LRP1: variants seen among roughly 807,000 people sequenced by gnomAD.
LRP1 encodes the protein prolow-density lipoprotein receptor-related protein 1.
In LRP1, 51 loss-of-function variants were observed where a neutral mutation model predicts 541.5. That is an observed-to-expected ratio of 0.09 (90% CI 0.08 to 0.12). LRP1 has a LOEUF of 0.12. LRP1 is among the 10% of genes least tolerant of loss of function. The pLI is 1.00. For synonymous variants in LRP1, 2,219 were observed against 2,470.8 expected, an observed-to-expected ratio of 0.90 and a Z score of 3.02; for missense variants, 3,878 against 6,376.2, an observed-to-expected ratio of 0.61 and a Z score of 13.34.
intron 2 of LRP1, among the ~76,000 whole-genome samples, chr12:57,140,062 A>G (rs1318993162): frequency 6.6e-6 from 1 of 152,170 alleles, no homozygotes; most frequent in Non-Finnish European, 1.5e-5. Context: ...CTTGAGCAAC[A>G]AAGGAAGTTG....
At chr12:57,208,447 C>T (rs2036834338) in intron 77 of LRP1, 4 of 601,850 alleles carry the variant, frequency 6.6e-6, no homozygotes, top group Admixed American at 3.0e-5. Context: ...TCTGCTTGGC[C>T]GGCTGTCATG....
rs889143155 is a variant in LRP1 at position 57,189,062 on chromosome 12, C to G, written c.7031+1606C>G. On this transcript the variant is annotated intron_variant, in intron 42 of 88. Transcript: ENST00000243077. This position sits in a 1 kb window ranked among gnomAD's most constrained non-coding sequence, Gnocchi z 4.4. ...TCCTCCTGAGCCCTCCCCGCGTCAG[C>G]ACTGGAGCACTGATGGCCCTGTAGA... is the stretch of plus-strand genomic sequence containing the variant. 6.6e-6 allele frequency among the ~76,000 whole-genome samples: 1 copy of G among 152,200 alleles called. No homozygotes were observed. Among genetic ancestry groups the G allele is most frequent in the Non-Finnish European group, 1.5e-5 (1 of 68,026 alleles).
intron 41 of LRP1, among the ~76,000 whole-genome samples, 194 bp downstream of exon 41, chr12:57,186,102 ACT>A (rs2036265647): frequency 6.6e-6 from 1 of 152,062 alleles, no homozygotes; most frequent in East Asian, 1.9e-4. Flanking sequence ...TCCTCCCGCC[ACT>A]GGTCCTAGTT....
At position 57,205,737 on chromosome 12, in the gene LRP1, C is replaced by T. The variant is rs778180999; in HGVS notation, c.11590+60C>T. ...GGGGCAGGGCGACCAGGATATCAAA[C>T]GGGGCCGACTTGGAATGGAATGTCT... On this transcript the variant is annotated intron_variant, in intron 75 of 88. Transcript: ENST00000243077. The surrounding 1 kb of genome is among the most constrained non-coding windows in gnomAD (Gnocchi z 4.6). 8.8e-6 allele frequency: 14 copies of T among 1,591,588 alleles called. No individual in the cohort carries two copies. The highest frequency in any genetic ancestry group is 4.5e-5 in the East Asian group (2 of 44,788).
chr12:57,203,154 G>A, intron 68 of LRP1, 27 bp from the exon 69 acceptor site: 1 of 1,506,122 alleles, frequency 6.6e-7, no homozygotes, highest in Non-Finnish European at 9.0e-7. Context: ...CCACCCTCCT[G>A]GGCCTGTCTC....
intron 34 of LRP1, among the ~76,000 whole-genome samples, chr12:57,182,673 G>T (rs534526544): frequency 6.6e-6 from 1 of 151,848 alleles, no homozygotes; most frequent in Non-Finnish European, 1.5e-5. Context: ...AAAATTAGCC[G>T]GGCATGGTGG....
Position 57,128,729 on chromosome 12 carries a change from G to T in LRP1, c.-236G>T. 2.3e-6 allele frequency: 1 copy of T among 431,014 alleles called. No homozygotes were observed. The highest frequency in any genetic ancestry group is 4.1e-6 in the Non-Finnish European group (1 of 241,154). The allele number at this position is 431,014 out of a possible 1,614,324, so 26.7% of individuals were successfully genotyped here. A position where few individuals can be genotyped will look rare whatever the true frequency, so the allele number is the denominator to read the frequency against. ...GCGAGGAGTGAAGCGGGGGGGTGGG[G>T]TGAAGGGTTTGGATTTCGGGGCAGG... On this transcript the variant is annotated 5_prime_UTR_variant, in exon 1 of 89. Transcript: ENST00000243077.
chr12:57,195,134 C>T, intron 51 of LRP1, 33 bp downstream of exon 51: 1 of 1,604,600 alleles, frequency 6.2e-7, no homozygotes. Flanking sequence ...GGGGGAGGTG[C>T]CCCAGGGAGG....
intron 45 of LRP1, 86 bp downstream of exon 45, chr12:57,193,056 GC>G (rs2136725319): frequency 3.2e-6 from 5 of 1,583,094 alleles, no homozygotes; most frequent in South Asian, 2.2e-5. Flanking sequence ...CTCCAGCCCA[GC>G]CCCCCAAAGC....
In LRP1 at chr12:57,183,656, C is replaced by T; in HGVS notation, c.5795-119C>T. ...AGCTGCCACCCTGACTCCACCTCCC[C>T]TTCAAGCACCTGGCCCCTCCGGCAC... On this transcript the variant is annotated intron_variant, in intron 35 of 88. Transcript: ENST00000243077. The surrounding 1 kb of genome is among the most constrained non-coding windows in gnomAD (Gnocchi z 6.1). 3 of 1,497,174 alleles carry T rather than the reference C, an allele frequency of 2.0e-6. No individual in the cohort carries two copies. Among genetic ancestry groups the T allele is most frequent in the East Asian group, 2.3e-5 (1 of 42,840 alleles). 92.7% of individuals were successfully genotyped at this position (1,497,174 alleles called of 1,614,324 possible).
At chr12:57,203,794 T>G in intron 70 of LRP1, 2 of 452,814 alleles carry the variant, frequency 4.4e-6, no homozygotes, top group Non-Finnish European at 7.8e-6. Context: ...CAGCAAACCC[T>G]GAGGGCTGTG....
Position 57,195,318 on chromosome 12 carries a change from G to A in LRP1, c.8356G>A (p.Val2786Met), listed in dbSNP as rs767661661. The change falls in exon 52 of 89, where the codon GTG becomes ATG. Residue 2786 changes from valine (V) to methionine (M), a missense_variant. Coordinates refer to ENST00000243077, the MANE Select transcript of LRP1 (RefSeq NM_002332.3). ...CTCCTTCTCCTGCCCTGGCACCCAC[G>A]TGTGCGTCCCCGAGCGCTGGCTCTG... ...PSSFSCPGTH[V>M]CVPERWLCDG... 4 of 1,613,562 alleles carry A rather than the reference G, an allele frequency of 2.5e-6. No individual in the cohort carries two copies. Among genetic ancestry groups the A allele is most frequent in the Non-Finnish European group, 2.5e-6 (3 of 1,180,012 alleles).
In LRP1 at chr12:57,204,450, C is replaced by T. The variant is rs537003889; in HGVS notation, c.10992C>T (p.Thr3664=). ...CPLDEFQCNN[T]LCKPLAWKCD... Reference sequence around the variant, plus strand: ...TGGACGAGTTCCAGTGCAACAACACCTTGTGCAAGCCGCTGGCCTGGAAGT... The same window carrying T: ...TGGACGAGTTCCAGTGCAACAACACTTTGTGCAAGCCGCTGGCCTGGAAGT... The change falls in exon 71 of 89, where the codon ACC becomes ACT. Residue 3664 remains threonine, a synonymous_variant. Transcript: ENST00000243077. The surrounding 1 kb of genome is among the most constrained non-coding windows in gnomAD (Gnocchi z 5.3). The T allele has an allele frequency of 6.4e-6, 10 of 1,563,180 alleles. No individual in the cohort carries two copies. The highest frequency in any genetic ancestry group is 1.2e-5 in the South Asian group (1 of 82,496).
chr12:57,130,799 G>T (rs1274303448), intron 1 of LRP1, among the ~76,000 whole-genome samples: 1 of 152,090 alleles, frequency 6.6e-6, no homozygotes, highest in African/African-American at 2.4e-5. Flanking sequence ...GGAAGAGAGA[G>T]ACTGGACATG....
rs763147281 is a variant in LRP1 at position 57,205,080 on chromosome 12, C to T, written c.11195-29C>T. ...GGGAGGAGGAGGCAGGGGAGAATAC[C>T]CAGGGCCTAAAGCCTCTGCCCTCCT... On this transcript the variant is annotated intron_variant, in intron 72 of 88. Coordinates refer to ENST00000243077, the MANE Select transcript of LRP1 (RefSeq NM_002332.3). This position sits in a 1 kb window ranked among gnomAD's most constrained non-coding sequence, Gnocchi z 4.6. The T allele has an allele frequency of 1.3e-6, 2 of 1,597,188 alleles. No individual in the cohort carries two copies.
intron 1 of LRP1, among the ~76,000 whole-genome samples, chr12:57,134,564 G>C (rs2035113866): frequency 6.6e-6 from 1 of 152,122 alleles, no homozygotes; most frequent in Non-Finnish European, 1.5e-5. Flanking sequence ...TGTATTTTTA[G>C]TAGAGACAGG....
At chr12:57,199,482 G>C in intron 61 of LRP1, 82 bp downstream of exon 61, 1 of 1,454,266 alleles carries the variant, frequency 6.9e-7, no homozygotes, top group South Asian at 1.2e-5. Flanking sequence ...CCCTTCTCTA[G>C]CATTGACCAA....
chr12:57,147,851 G>A (rs1002341957), intron 6 of LRP1, among the ~76,000 whole-genome samples: 3 of 152,196 alleles, frequency 2.0e-5, no homozygotes, highest in Non-Finnish European at 4.4e-5. Flanking sequence ...CCTGCAGTGT[G>A]TGAACATTCC....
chr12:57,185,679 A>G lies in LRP1; in HGVS notation c.6612A>G (p.Ser2204=). 6.2e-7 allele frequency: 1 copy of G among 1,613,972 alleles called. No individual in the cohort carries two copies. Among genetic ancestry groups the G allele is most frequent in the South Asian group, 1.1e-5 (1 of 91,078 alleles). ...CREYAGYLLY[S]ERTILKSIHL... ...AGTATGCCGGCTACCTGCTCTACTCAGAGCGCACCATTCTCAAGAGTATCC... is the reference window on the plus strand; with the variant it reads ...AGTATGCCGGCTACCTGCTCTACTCGGAGCGCACCATTCTCAAGAGTATCC... Residue 2204 remains serine, a synonymous_variant, in exon 41 of 89, where the codon TCA becomes TCG. Transcript: ENST00000243077. This position sits in a 1 kb window ranked among gnomAD's most constrained non-coding sequence, Gnocchi z 4.9.
Sources: allele counts gnomAD v4.1 joint callset (sites outside exome capture counted in the v4.1 genomes callset), GRCh38; gene constraint gnomAD v4.1.1; non-coding constraint Gnocchi (gnomAD v3.1); transcripts MANE v1.5; gene names NCBI Gene and HGNC (gene_info 2026-07-23, HGNC 2026-07-21).